HMGN5: variants seen among roughly 807,000 people sequenced by gnomAD.
HMGN5 encodes the protein high mobility group nucleosome binding domain 5, also known as high mobility group nucleosome-binding domain-containing protein 5.
Under a neutral mutation model 9.5 loss-of-function variants are expected in HMGN5, and 4 were observed. That is an observed-to-expected ratio of 0.42 (90% CI 0.21 to 0.96). HMGN5 has a LOEUF of 0.96. HMGN5 is among the 40% of genes least tolerant of loss of function. HMGN5 has a pLI of 0.30. For synonymous variants in HMGN5, 55 were observed against 57.1 expected (o/e 0.96, Z 0.16); for missense variants, 192 against 187.5 (o/e 1.02, Z -0.14).
At chrX:81,166,998 A>G (rs1298901935) in intron 1 of HMGN5, among the ~76,000 whole-genome samples, 2 of 111,325 alleles carry the variant, frequency 1.8e-5, no homozygotes. Context: ...CCACTTTCAG[A>G]ATAGATATCA....
chrX:81,201,129 C>A (rs1357911449), intron 1 of HMGN5, among the ~76,000 whole-genome samples: 1 of 110,815 alleles, frequency 9.0e-6, no homozygotes, highest in Non-Finnish European at 1.9e-5. Context: ...CAGTAAACCA[C>A]TAGACTGGAG....
intron 1 of HMGN5, among the ~76,000 whole-genome samples, chrX:81,193,776 A>T (rs999450712): frequency 5.3e-5 from 6 of 112,342 alleles, no homozygotes; most frequent in African/African-American, 1.9e-4. Flanking sequence ...TACTTGATAC[A>T]AGGTCAACAT....
At chrX:81,159,597 G>A (rs184060107) in intron 1 of HMGN5, among the ~76,000 whole-genome samples, 5 of 110,826 alleles carry the variant, frequency 4.5e-5, no homozygotes, top group Admixed American at 2.9e-4. Flanking sequence ...TGAGCCAGAG[G>A]GAGAATTCAA....
intron 1 of HMGN5, among the ~76,000 whole-genome samples, chrX:81,190,262 C>T (rs993272679): frequency 2.7e-5 from 3 of 111,669 alleles, no homozygotes; most frequent in African/African-American, 9.7e-5. Context: ...TTGACAGTGT[C>T]TTCTGCAGAG....
intron 6 of HMGN5, 52 bp from the exon 7 acceptor site, chrX:81,115,282 A>G (rs2075250159): frequency 1.9e-6 from 2 of 1,077,032 alleles, no homozygotes; most frequent in African/African-American, 1.9e-5. Context: ...ATTTAGAACC[A>G]TTTCCCCTAA....
chrX:81,149,288 C>A (rs778738771), intron 1 of HMGN5, among the ~76,000 whole-genome samples: 1 of 111,745 alleles, frequency 8.9e-6, no homozygotes, highest in Non-Finnish European at 1.9e-5. Flanking sequence ...CCATGGAATT[C>A]TATGCAGCCA....
chrX:81,132,734 C>A (rs1488936531), intron 1 of HMGN5, among the ~76,000 whole-genome samples: 1 of 111,086 alleles, frequency 9.0e-6, no homozygotes, highest in African/African-American at 3.3e-5. Context: ...CCCAAGACTA[C>A]AAAAACCCTA....
chrX:81,129,825 A>G (rs957892641), intron 1 of HMGN5, among the ~76,000 whole-genome samples: 2 of 110,713 alleles, frequency 1.8e-5, no homozygotes, highest in African/African-American at 3.3e-5. Flanking sequence ...CAACTCACCT[A>G]AAGTTTCTAA....
chrX:81,176,141 G>A (rs924021940), intron 1 of HMGN5, among the ~76,000 whole-genome samples: 2 of 111,587 alleles, frequency 1.8e-5, no homozygotes, highest in African/African-American at 6.5e-5. Context: ...AGGCAAACAG[G>A]GTCTGGAGTG....
chrX:81,167,259 T>C (rs1357179573), intron 1 of HMGN5, among the ~76,000 whole-genome samples: 3 of 111,189 alleles, frequency 2.7e-5, no homozygotes, highest in Admixed American at 9.6e-5. Context: ...CTATCAGCTA[T>C]GTTGCCTTGC....
intron 1 of HMGN5, among the ~76,000 whole-genome samples, chrX:81,162,650 G>A (rs1464940505): frequency 9.0e-6 from 1 of 111,392 alleles, no homozygotes; most frequent in Non-Finnish European, 1.9e-5. Flanking sequence ...TGAATGTGTA[G>A]AGCAGGTAAC....
chrX:81,159,840 A>G (rs1039991813), intron 1 of HMGN5, among the ~76,000 whole-genome samples: 8 of 111,348 alleles, frequency 7.2e-5, no homozygotes, highest in African/African-American at 2.6e-4. Flanking sequence ...AAATATATTT[A>G]TGATAAAAGC....
intron 1 of HMGN5, among the ~76,000 whole-genome samples, chrX:81,170,727 CA>C (rs936012957): frequency 3.6e-5 from 4 of 111,218 alleles, no homozygotes; most frequent in Admixed American, 2.9e-4. Flanking sequence ...TAACATATCT[CA>C]AATTCCCCAC....
At chrX:81,118,563 C>T (rs2075260651) in intron 4 of HMGN5, 78 bp from the exon 5 acceptor site, 4 of 887,597 alleles carry the variant, frequency 4.5e-6, no homozygotes, top group Middle Eastern at 5.5e-4. Flanking sequence ...TGAAATCCAA[C>T]CTCTGAATTA....
At position 81,114,772 on chromosome X, in the gene HMGN5, T is replaced by C. The variant is rs990653569; in HGVS notation, c.726A>G (p.Glu242=). The C allele has an allele frequency of 6.0e-6, 7 of 1,161,086 alleles. No individual in the cohort carries two copies. Among genetic ancestry groups the C allele is most frequent in the Non-Finnish European group, 6.9e-6 (6 of 871,083 alleles). Residue 242 remains glutamate, a synonymous_variant, in exon 7 of 7, where the codon GAA becomes GAG. Coordinates refer to ENST00000358130, the MANE Select transcript of HMGN5 (RefSeq NM_030763.3). ...EKEREDGKED[E]GGNEEEAGKE... ...TTCCAGCTTCTTCCTCATTTCCACC[T>C]TCATCTTCTTTTCCATCTTCTCTCT...
At chrX:81,165,193 T>A (rs1051153090) in intron 1 of HMGN5, among the ~76,000 whole-genome samples, 1 of 111,356 alleles carries the variant, frequency 9.0e-6, no homozygotes, top group Non-Finnish European at 1.9e-5. Flanking sequence ...TTCCCATGGA[T>A]TCAATTACTG....
chrX:81,140,751 C>CA (rs2075326886), intron 1 of HMGN5, among the ~76,000 whole-genome samples: 1 of 110,478 alleles, frequency 9.1e-6, no homozygotes, highest in Non-Finnish European at 1.9e-5. Flanking sequence ...GGATACAGTG[C>CA]AAAACTCCTT....
intron 1 of HMGN5, among the ~76,000 whole-genome samples, chrX:81,149,773 A>G (rs1434903233): frequency 2.7e-5 from 3 of 112,224 alleles, no homozygotes; most frequent in African/African-American, 9.7e-5. Flanking sequence ...TACATCAGAC[A>G]GAATAGATTT....
intron 1 of HMGN5, among the ~76,000 whole-genome samples, chrX:81,163,993 T>C (rs761337734): frequency 1.8e-5 from 2 of 111,589 alleles, no homozygotes; most frequent in South Asian, 7.5e-4. Flanking sequence ...TAAAGCTCTG[T>C]AGTTTCATAT....
Sources: allele counts gnomAD v4.1 joint callset (sites outside exome capture counted in the v4.1 genomes callset), GRCh38; gene constraint gnomAD v4.1.1; transcripts MANE v1.5; gene names NCBI Gene and HGNC (gene_info 2026-07-23, HGNC 2026-07-21).